The following TEX36 variants were observed in gnomAD, a reference collection of about 807,000 sequenced individuals.
TEX36 encodes the protein testis expressed 36, also known as testis-expressed protein 36.
TEX36 carries 12 observed loss-of-function variants against 13.6 expected under a neutral mutation model. The ratio of observed to expected loss-of-function variants is 0.88; its 90% confidence interval spans 0.56 to 1.43. The LOEUF (loss-of-function observed/expected upper bound fraction) is 1.43. Among genes scored for constraint, TEX36 ranks in the 40% most tolerant of loss-of-function variants. The pLI is 0.00. For missense variants in TEX36, 224 were observed against 228.3 expected (o/e 0.98, Z 0.12); for synonymous variants, 93 against 83.0 (o/e 1.12, Z -0.65).
intron 3 of TEX36, among the ~76,000 whole-genome samples, chr10:125,587,287 G>A (rs1022223367): frequency 4.6e-5 from 7 of 152,170 alleles, no homozygotes; most frequent in Admixed American, 1.3e-4. Flanking sequence ...CCAGGAGTTC[G>A]GGGCCAGCCT....
intron 3 of TEX36, among the ~76,000 whole-genome samples, chr10:125,657,452 A>G (rs1403062455): frequency 6.6e-6 from 1 of 152,204 alleles, no homozygotes; most frequent in Non-Finnish European, 1.5e-5. Context: ...ACAATGTCCA[A>G]GTCGGCTTCT....
intron 3 of TEX36, among the ~76,000 whole-genome samples, chr10:125,609,044 C>A (rs764962496): frequency 9.4e-5 from 14 of 148,850 alleles, no homozygotes; most frequent in Non-Finnish European, 2.1e-4. Context: ...TGGTGGCGTG[C>A]ACCTGTAATC....
chr10:125,651,615 C>T (rs957829983), downstream of TEX36, among the ~76,000 whole-genome samples: 6 of 152,184 alleles, frequency 3.9e-5, no homozygotes, highest in Non-Finnish European at 8.8e-5. Flanking sequence ...CTCACCACTC[C>T]TATTCAACAT....
intron 3 of TEX36, among the ~76,000 whole-genome samples, chr10:125,601,312 C>T (rs1292183712): frequency 2.6e-5 from 4 of 152,194 alleles, no homozygotes; most frequent in Non-Finnish European, 5.9e-5. Flanking sequence ...GGAAGGGGAC[C>T]TCCCTGTAAC....
chr10:125,593,836 G>A (rs567356545), intron 3 of TEX36, among the ~76,000 whole-genome samples: 2 of 152,156 alleles, frequency 1.3e-5, no homozygotes, highest in Non-Finnish European at 2.9e-5. Context: ...GAGATGGATG[G>A]CGGTGATGAT....
chr10:125,629,250 G>A (rs567376076), intron 3 of TEX36, among the ~76,000 whole-genome samples: 2 of 152,294 alleles, frequency 1.3e-5, no homozygotes, highest in South Asian at 2.1e-4. Flanking sequence ...TGATAGAGAC[G>A]ATCTGAAGTT....
intron 3 of TEX36, among the ~76,000 whole-genome samples, chr10:125,609,291 G>A (rs779696212): frequency 6.6e-6 from 1 of 152,162 alleles, no homozygotes; most frequent in Non-Finnish European, 1.5e-5. Flanking sequence ...ACAATTCAAT[G>A]GTGTGAAATG....
At chr10:125,576,872 T>G (rs1288547940) in exon 4 of TEX36, 1 of 1,536,160 alleles carries the variant, frequency 6.5e-7, no homozygotes, top group Admixed American at 2.0e-5. Flanking sequence ...CTGTCATTCT[T>G]TCCTGTGAGG....
chr10:125,641,478 C>A (rs1477962006), intron 3 of TEX36, among the ~76,000 whole-genome samples: 2 of 152,198 alleles, frequency 1.3e-5, no homozygotes, highest in Non-Finnish European at 2.9e-5. Flanking sequence ...GCTACATGCA[C>A]AAAAAGTGAC....
chr10:125,662,002 T>A (rs1397156469), intron 1 of TEX36, 25 bp from the exon 2 acceptor site: 1 of 1,552,334 alleles, frequency 6.4e-7, no homozygotes, highest in Admixed American at 2.0e-5. Flanking sequence ...CACGCCTTGA[T>A]TAAAACCAGA....
intron 3 of TEX36, among the ~76,000 whole-genome samples, chr10:125,594,739 A>G (rs1291036149): frequency 1.3e-5 from 2 of 152,236 alleles, no homozygotes; most frequent in Non-Finnish European, 2.9e-5. Flanking sequence ...GAAAGTCACA[A>G]CATATGTTTG....
intron 3 of TEX36, among the ~76,000 whole-genome samples, chr10:125,613,702 C>G (rs1409589654): frequency 6.6e-6 from 1 of 151,884 alleles, no homozygotes; most frequent in Non-Finnish European, 1.5e-5. Flanking sequence ...TGGGTTGGTT[C>G]CAAGTCTTTG....
At chr10:125,622,425 T>G (rs905501142) in intron 3 of TEX36, among the ~76,000 whole-genome samples, 4 of 152,262 alleles carry the variant, frequency 2.6e-5, no homozygotes, top group African/African-American at 7.2e-5. Context: ...ACAGTCTTCA[T>G]TTCTACAACT....
At chr10:125,680,703 C>T (rs978863032) in intron 1 of TEX36, among the ~76,000 whole-genome samples, 2 of 152,174 alleles carry the variant, frequency 1.3e-5, no homozygotes, top group African/African-American at 4.8e-5. Context: ...TTTCCCTCCT[C>T]GTCTACAAGT....
intron 1 of TEX36, among the ~76,000 whole-genome samples, chr10:125,665,049 C>G (rs1847101808): frequency 6.6e-6 from 1 of 152,046 alleles, no homozygotes; most frequent in Non-Finnish European, 1.5e-5. Flanking sequence ...CCTTTGCTCA[C>G]TTTTTAATGG....
chr10:125,588,153 G>A (rs1845980278), intron 3 of TEX36, among the ~76,000 whole-genome samples: 1 of 152,208 alleles, frequency 6.6e-6, no homozygotes, highest in Admixed American at 6.5e-5. Flanking sequence ...ATGGGTTAAT[G>A]AGTCAAAGGG....
At chr10:125,653,766 G>A (rs1846901265), downstream of TEX36, among the ~76,000 whole-genome samples, 1 of 152,142 alleles carries the variant, frequency 6.6e-6, no homozygotes, top group Non-Finnish European at 1.5e-5. Flanking sequence ...ACCTCTTGAG[G>A]CCAGGAGTTC....
downstream of TEX36, among the ~76,000 whole-genome samples, chr10:125,655,023 G>A (rs955791835): frequency 6.6e-6 from 1 of 152,160 alleles, no homozygotes; most frequent in Non-Finnish European, 1.5e-5. Context: ...TGATTCAAAT[G>A]TCTATTAAGA....
chr10:125,652,823 C>T (rs1024008434), downstream of TEX36, among the ~76,000 whole-genome samples: 2 of 152,154 alleles, frequency 1.3e-5, no homozygotes, highest in African/African-American at 4.8e-5. Context: ...AAAAAGTAGG[C>T]AAAGGATGTG....
Sources: gnomAD v4.1 joint callset for allele counts (sites outside exome capture counted in the v4.1 genomes callset) on GRCh38, gnomAD v4.1.1 for gene constraint, MANE v1.5 for transcripts, NCBI Gene and HGNC (gene_info 2026-07-23, HGNC 2026-07-21) for gene names.